Variants in KCNMA1 observed in about 807,000 individuals in gnomAD.
The protein encoded by KCNMA1 is Calcium-activated potassium channel subunit alpha-1.
Under a neutral mutation model 140.0 loss-of-function variants are expected in KCNMA1, and 29 were observed. The observed-to-expected ratio is 0.21, with a 90% confidence interval of 0.15 to 0.28. KCNMA1 has a LOEUF of 0.28. Among genes scored for constraint, KCNMA1 ranks in the 10% least tolerant of loss-of-function variants. KCNMA1 has a pLI of 1.00. For missense variants in KCNMA1, 880 were observed against 1,602.2 expected (o/e 0.55, Z 7.70); for synonymous variants, 612 against 611.9 (o/e 1.00, Z 0.00).
chr10:77,619,224 A>G (rs1230138657), intron 1 of KCNMA1, among the ~76,000 whole-genome samples: 1 of 152,054 alleles, frequency 6.6e-6, no homozygotes, highest in African/African-American at 2.4e-5. Context: ...TTCATCTCCA[A>G]TCTATGTCAA....
At chr10:77,604,741 A>G (rs1374617438) in intron 1 of KCNMA1, among the ~76,000 whole-genome samples, 1 of 152,074 alleles carries the variant, frequency 6.6e-6, no homozygotes, top group Non-Finnish European at 1.5e-5. Context: ...CCTTTTAGAA[A>G]AACTTATGTC....
intron 18 of KCNMA1, among the ~76,000 whole-genome samples, chr10:77,002,303 T>C (rs2086728932): frequency 1.3e-5 from 2 of 152,162 alleles, no homozygotes; most frequent in South Asian, 2.1e-4. Flanking sequence ...AGTTCACAAA[T>C]AAGAAATCAC....
chr10:77,595,586 C>T (rs1305981500), intron 1 of KCNMA1, among the ~76,000 whole-genome samples: 1 of 149,400 alleles, frequency 6.7e-6, no homozygotes, highest in Non-Finnish European at 1.5e-5. Flanking sequence ...TTCCTTTTCT[C>T]AAACACCTAT....
intron 23 of KCNMA1, among the ~76,000 whole-genome samples, chr10:76,942,550 TA>T (rs2062811106): frequency 6.6e-6 from 1 of 152,202 alleles, no homozygotes; most frequent in African/African-American, 2.4e-5. Context: ...TCCTGTGCTA[TA>T]AAAGAATAAA....
At chr10:76,977,488 G>T in intron 19 of KCNMA1, 1 of 697,422 alleles carries the variant, frequency 1.4e-6, no homozygotes, top group Non-Finnish European at 2.6e-6. Flanking sequence ...ACAAAGTTGA[G>T]GACTTGCCAT....
At position 77,457,147 on chromosome 10, in the gene KCNMA1, A is replaced by T. The variant is rs552734324; in HGVS notation, c.379-53124T>A. 1.2e-4 allele frequency among the ~76,000 whole-genome samples: 19 copies of T among 152,234 alleles called. No homozygotes were observed. The South Asian group carries it at 3.9e-3, about 32-fold the overall frequency. ...GCCCCAGGATGACAGCCTCTCACTTAAAGGCTCTTGGGCCGCCCTGCTAGT... is the reference window on the plus strand; with the variant it reads ...GCCCCAGGATGACAGCCTCTCACTTTAAGGCTCTTGGGCCGCCCTGCTAGT... On this transcript the variant is annotated intron_variant, in intron 1 of 27. Coordinates refer to ENST00000286628, the MANE Select transcript of KCNMA1 (RefSeq NM_001161352.2).
At chr10:76,948,710 T>G (rs2065151930) in intron 22 of KCNMA1, among the ~76,000 whole-genome samples, 1 of 152,198 alleles carries the variant, frequency 6.6e-6, no homozygotes, top group Non-Finnish European at 1.5e-5. Flanking sequence ...AACTCTGTTA[T>G]TTGCATTTAT....
intron 14 of KCNMA1, among the ~76,000 whole-genome samples, chr10:77,059,686 T>C (rs1322283012): frequency 6.6e-6 from 1 of 151,986 alleles, no homozygotes; most frequent in South Asian, 2.1e-4. Context: ...CTCACCAAAA[T>C]AGAAATGGGA....
At chr10:77,438,801 C>T (rs2097317018) in intron 1 of KCNMA1, among the ~76,000 whole-genome samples, 1 of 151,874 alleles carries the variant, frequency 6.6e-6, no homozygotes, top group Non-Finnish European at 1.5e-5. Context: ...AGTGTAGTGG[C>T]CCAGGTGGCT....
At chr10:77,460,332 G>A (rs1177025539) in intron 1 of KCNMA1, among the ~76,000 whole-genome samples, 2 of 152,158 alleles carry the variant, frequency 1.3e-5, no homozygotes, top group African/African-American at 4.8e-5. Context: ...ACAGTGTGGA[G>A]ATTTCTCAAA....
intron 1 of KCNMA1, among the ~76,000 whole-genome samples, chr10:77,531,312 G>A (rs189672097): frequency 3.3e-5 from 5 of 152,298 alleles, no homozygotes; most frequent in Admixed American, 1.3e-4. Context: ...TTGACAGCAA[G>A]ATTTTCCACG....
chr10:77,566,123 A>G (rs754939238), intron 1 of KCNMA1, among the ~76,000 whole-genome samples: 2 of 150,484 alleles, frequency 1.3e-5, no homozygotes, highest in Non-Finnish European at 3.0e-5. Flanking sequence ...TAAGTGGAAT[A>G]GCAAAAATAG....
At chr10:76,958,591 G>A (rs1401072535) in intron 20 of KCNMA1, among the ~76,000 whole-genome samples, 1 of 152,172 alleles carries the variant, frequency 6.6e-6, no homozygotes, top group Non-Finnish European at 1.5e-5. Context: ...TTAAAATTAG[G>A]TCATTGGGGT....
intron 2 of KCNMA1, among the ~76,000 whole-genome samples, chr10:77,271,569 T>C (rs942322637): frequency 2.1e-4 from 32 of 152,166 alleles, no homozygotes; most frequent in Admixed American, 1.6e-3. Flanking sequence ...GGTGTAAGGA[T>C]TGAGTAAGTT....
At chr10:76,894,506 G>T (rs2041639457) in intron 25 of KCNMA1, among the ~76,000 whole-genome samples, 1 of 152,068 alleles carries the variant, frequency 6.6e-6, no homozygotes, top group African/African-American at 2.4e-5. Context: ...AAAAATATTT[G>T]TTCTTTGAAG....
intron 5 of KCNMA1, among the ~76,000 whole-genome samples, chr10:77,129,485 A>C (rs1217254819): frequency 6.6e-6 from 1 of 152,198 alleles, no homozygotes; most frequent in Non-Finnish European, 1.5e-5. Context: ...TAAAACCAGT[A>C]ATCTACCCTC....
chr10:77,573,608 AAATGG>A (rs1207560008), intron 1 of KCNMA1, among the ~76,000 whole-genome samples: 72 of 58,194 alleles, frequency 1.2e-3, no homozygotes, highest in African/African-American at 3.4e-3. Flanking sequence ...TTTTTTAAGA[AAATGG>A]AATGGAATGG....
At chr10:77,064,525 C>T (rs191480997) in intron 14 of KCNMA1, among the ~76,000 whole-genome samples, 10 of 152,268 alleles carry the variant, frequency 6.6e-5, no homozygotes, top group Admixed American at 2.0e-4. Context: ...GGTCTGAGAA[C>T]GCTTTAATTC....
intron 2 of KCNMA1, among the ~76,000 whole-genome samples, chr10:77,347,820 C>T (rs1021816003): frequency 1.3e-5 from 2 of 152,136 alleles, no homozygotes; most frequent in Admixed American, 1.3e-4. Flanking sequence ...ATAATAGCTA[C>T]CATATATAGA....
Sources: allele counts gnomAD v4.1 joint callset (sites outside exome capture counted in the v4.1 genomes callset), GRCh38; gene constraint gnomAD v4.1.1; transcripts MANE v1.5; gene names NCBI Gene and HGNC (gene_info 2026-07-23, HGNC 2026-07-21).